Variants in DOK6 observed in about 807,000 individuals in gnomAD.
DOK6 encodes the protein docking protein 6.
Under a neutral mutation model 44.0 loss-of-function variants are expected in DOK6, and 22 were observed. That is an observed-to-expected ratio of 0.50 (90% CI 0.36 to 0.71). The LOEUF (loss-of-function observed/expected upper bound fraction) is 0.71, where lower values mean the gene tolerates loss of function less well. Among genes scored for constraint, DOK6 ranks in the 30% least tolerant of loss-of-function variants. The probability of loss-of-function intolerance (pLI) is 0.00; values close to 1 mark genes in which losing one functional copy is unlikely to be tolerated. For missense variants in DOK6, 340 were observed against 416.4 expected (o/e 0.82, Z 1.60); for synonymous variants, 166 against 145.5 (o/e 1.14, Z -1.01).
intron 7 of DOK6, among the ~76,000 whole-genome samples, chr18:69,812,960 G>A (rs1981286575): frequency 6.6e-6 from 1 of 152,100 alleles, no homozygotes; most frequent in African/African-American, 2.4e-5. Flanking sequence ...TTCAAGATGA[G>A]ATTTGGGTGG....
intron 7 of DOK6, among the ~76,000 whole-genome samples, chr18:69,839,140 T>TC (rs1982136682): frequency 8.2e-6 from 1 of 121,592 alleles, no homozygotes; most frequent in Non-Finnish European, 1.7e-5. Flanking sequence ...TCACCTAGAC[T>TC]CCCCCTAGCT....
intron 3 of DOK6, among the ~76,000 whole-genome samples, chr18:69,672,983 C>A (rs1985840564): frequency 6.6e-6 from 1 of 152,012 alleles, no homozygotes; most frequent in East Asian, 1.9e-4. Flanking sequence ...AGCAAATCTG[C>A]ACAGAACATA....
chr18:69,812,083 A>G (rs1321913402), intron 7 of DOK6, among the ~76,000 whole-genome samples: 1 of 152,150 alleles, frequency 6.6e-6, no homozygotes, highest in Non-Finnish European at 1.5e-5. Flanking sequence ...ATACACAAGA[A>G]TATATTTAAT....
At chr18:69,666,047 T>C (rs1385764741) in intron 3 of DOK6, among the ~76,000 whole-genome samples, 1 of 152,230 alleles carries the variant, frequency 6.6e-6, no homozygotes, top group Non-Finnish European at 1.5e-5. Context: ...TTTTATTTTA[T>C]TGGTATTGAC....
intron 7 of DOK6, among the ~76,000 whole-genome samples, chr18:69,839,830 A>C (rs1425266283): frequency 3.3e-5 from 5 of 152,208 alleles, no homozygotes; most frequent in Admixed American, 6.5e-5. Flanking sequence ...AGGAGGTGCG[A>C]GGGAAAAGCC....
rs1247974916 is a variant in DOK6 at position 69,812,850 on chromosome 18, A to C, written c.857-28394A>C. On this transcript the variant is annotated intron_variant, in intron 7 of 7. Coordinates refer to ENST00000382713, the MANE Select transcript of DOK6 (RefSeq NM_152721.6). ...GAGCAAAGTGGGAGGAGACCCTGAC[A>C]AAACCTTCAGATTTCATGAGAACAG... Among the ~76,000 whole-genome samples the C allele has an allele frequency of 4.6e-5, 7 of 152,182 alleles. No homozygotes were observed. The South Asian group carries it at 1.5e-3, about 32-fold the overall frequency.
Position 69,848,958 on chromosome 18 carries a change from A to G in DOK6, c.*7575A>G, listed in dbSNP as rs992060361. ...TTATACTTTTGTTATCATGTGATGAAATGTAACTATGTAATTAAACAAAAT... is the reference window on the plus strand; with the variant it reads ...TTATACTTTTGTTATCATGTGATGAGATGTAACTATGTAATTAAACAAAAT... On this transcript the variant is annotated 3_prime_UTR_variant, in exon 8 of 8. Transcript: ENST00000382713. The G allele has an allele frequency of 6.6e-6, 1 of 152,222 alleles. No homozygotes were observed. The highest frequency in any genetic ancestry group is 1.5e-5 in the Non-Finnish European group (1 of 68,036). The allele number at this position is 152,222 out of a possible 1,614,324, so 9.4% of individuals were successfully genotyped here. A position where few individuals can be genotyped will look rare whatever the true frequency, so the allele number is the denominator to read the frequency against.
intron 7 of DOK6, among the ~76,000 whole-genome samples, chr18:69,800,604 G>T (rs967115391): frequency 3.9e-5 from 6 of 152,064 alleles, no homozygotes; most frequent in African/African-American, 1.4e-4. Context: ...TTCTATTTCA[G>T]TTCTATAATA....
chr18:69,638,051 A>G (rs1253101232), intron 3 of DOK6, among the ~76,000 whole-genome samples: 1 of 152,214 alleles, frequency 6.6e-6, no homozygotes, highest in Non-Finnish European at 1.5e-5. Flanking sequence ...TTCCCTGATC[A>G]ATATTCTTCC....
intron 1 of DOK6, among the ~76,000 whole-genome samples, chr18:69,431,771 T>C (rs1210181693): frequency 6.6e-6 from 1 of 152,236 alleles, no homozygotes; most frequent in Non-Finnish European, 1.5e-5. Flanking sequence ...TAAAGTCTTA[T>C]AAGTAGAATT....
intron 1 of DOK6, among the ~76,000 whole-genome samples, chr18:69,486,855 C>G (rs1001106918): frequency 3.9e-5 from 6 of 152,148 alleles, no homozygotes; most frequent in African/African-American, 1.4e-4. Context: ...TTAAAGTTTA[C>G]ATTTCTATGA....
intron 1 of DOK6, among the ~76,000 whole-genome samples, chr18:69,436,064 T>C (rs950265992): frequency 3.3e-5 from 5 of 152,160 alleles, no homozygotes; most frequent in African/African-American, 9.6e-5. Context: ...TCTTACACCT[T>C]AGTTCTCTAT....
chr18:69,403,233 G>T (rs968018033), intron 1 of DOK6, among the ~76,000 whole-genome samples: 4 of 152,048 alleles, frequency 2.6e-5, no homozygotes, highest in African/African-American at 9.7e-5. Context: ...TGCGCACTTG[G>T]CCCTGGAGTC....
chr18:69,760,007 CTCAG>C (rs1274835456), intron 7 of DOK6, among the ~76,000 whole-genome samples: 1 of 152,102 alleles, frequency 6.6e-6, no homozygotes, highest in Admixed American at 6.5e-5. Context: ...CTGTATACCC[CTCAG>C]TGTTATAGAT....
intron 1 of DOK6, among the ~76,000 whole-genome samples, chr18:69,537,343 G>A (rs1486298821): frequency 1.3e-5 from 2 of 152,058 alleles, no homozygotes; most frequent in Non-Finnish European, 2.9e-5. Context: ...GCTATGTCAG[G>A]TGCTTCTCTT....
At chr18:69,557,940 TC>T (rs2144592982) in intron 1 of DOK6, among the ~76,000 whole-genome samples, 1 of 152,212 alleles carries the variant, frequency 6.6e-6, no homozygotes, top group South Asian at 2.1e-4. Flanking sequence ...CCCCATCTCT[TC>T]CCACCTACTG....
chr18:69,556,797 A>G (rs1982697909), intron 1 of DOK6, among the ~76,000 whole-genome samples: 1 of 152,196 alleles, frequency 6.6e-6, no homozygotes, highest in Non-Finnish European at 1.5e-5. Flanking sequence ...ATAGAGCAAA[A>G]CTCATTTCTC....
intron 7 of DOK6, chr18:69,831,085 GCCAT>G (rs1981888947): frequency 6.6e-6 from 1 of 152,456 alleles, no homozygotes; most frequent in Non-Finnish European, 1.5e-5. Flanking sequence ...TCCATGATCT[GCCAT>G]CTGCAAGCTG....
intron 7 of DOK6, among the ~76,000 whole-genome samples, chr18:69,835,464 C>CAAAAAAAAAAAAAAAAAAAAA (rs1376861520): frequency 3.7e-5 from 5 of 136,330 alleles, no homozygotes; most frequent in Admixed American, 3.5e-4. Context: ...GACTCCGTCT[C>CAAAAAAAAAAAAAAAAAAAAA]AAAAAAACAA....
Sources: gnomAD v4.1 joint callset for allele counts (sites outside exome capture counted in the v4.1 genomes callset) on GRCh38, gnomAD v4.1.1 for gene constraint, MANE v1.5 for transcripts, NCBI Gene and HGNC (gene_info 2026-07-23, HGNC 2026-07-21) for gene names.